The following NAV2 variants were observed in gnomAD, a reference collection of about 807,000 sequenced individuals.
NAV2 encodes the protein neuron navigator 2.
Under a neutral mutation model 223.2 loss-of-function variants are expected in NAV2, and 54 were observed. The observed-to-expected ratio is 0.24, with a 90% CI of 0.19 to 0.30. The LOEUF is 0.30. Among genes scored for constraint, NAV2 ranks in the 10% least tolerant of loss-of-function variants. NAV2 has a pLI of 1.00. For synonymous variants in NAV2, 1,279 were observed against 1,239.3 expected, an observed-to-expected ratio of 1.03 and a Z score of -0.67; for missense variants, 2,806 against 3,147.5, an observed-to-expected ratio of 0.89 and a Z score of 2.60.
At chr11:19,612,312 T>C (rs1383570513) in intron 1 of NAV2, among the ~76,000 whole-genome samples, 1 of 152,226 alleles carries the variant, frequency 6.6e-6, no homozygotes, top group South Asian at 2.1e-4. Flanking sequence ...ATTTTCCCCA[T>C]GGTCTTGGGG....
intron 1 of NAV2, among the ~76,000 whole-genome samples, chr11:19,448,299 C>T (rs1317231705): frequency 6.6e-6 from 1 of 152,298 alleles, no homozygotes; most frequent in East Asian, 1.9e-4. Context: ...GCACAGCAAC[C>T]CTCCCCGTGG....
At chr11:19,388,362 C>T (rs1849122441) in intron 1 of NAV2, among the ~76,000 whole-genome samples, 1 of 152,244 alleles carries the variant, frequency 6.6e-6, no homozygotes, top group African/African-American at 2.4e-5. Flanking sequence ...GCAGCTTTAT[C>T]TCAGATGTCT....
chr11:19,485,279 G>A (rs1374720776), intron 1 of NAV2, among the ~76,000 whole-genome samples: 2 of 152,156 alleles, frequency 1.3e-5, no homozygotes, highest in South Asian at 2.1e-4. Flanking sequence ...AAGATGTGGT[G>A]TTATCCAAGG....
intron 6 of NAV2, among the ~76,000 whole-genome samples, chr11:19,915,995 G>A (rs1202958521): frequency 2.0e-5 from 3 of 152,152 alleles, no homozygotes; most frequent in African/African-American, 7.2e-5. Flanking sequence ...GTCTCTTCAA[G>A]CCTCAGTTTC....
At chr11:20,076,384 T>A (rs1210693780) in intron 22 of NAV2, among the ~76,000 whole-genome samples, 2 of 152,194 alleles carry the variant, frequency 1.3e-5, no homozygotes, top group African/African-American at 4.8e-5. Flanking sequence ...AAGGTAGACA[T>A]GGTGTCAGTC....
chr11:19,482,512 T>G (rs1424122729), intron 1 of NAV2, among the ~76,000 whole-genome samples: 1 of 152,194 alleles, frequency 6.6e-6, no homozygotes, highest in Non-Finnish European at 1.5e-5. Context: ...TGAAGACATA[T>G]GTGAATTCAC....
intron 1 of NAV2, among the ~76,000 whole-genome samples, chr11:19,775,477 T>C (rs1590427878): frequency 6.6e-6 from 1 of 152,272 alleles, no homozygotes; most frequent in Middle Eastern, 3.4e-3. Context: ...AGCCTTTCAT[T>C]TGGGAAACAT....
intron 5 of NAV2, chr11:19,884,321 C>A: frequency 1.2e-6 from 2 of 1,614,076 alleles, no homozygotes; most frequent in South Asian, 2.2e-5. Flanking sequence ...CATCTCAAAG[C>A]AAAATCATCC....
intron 1 of NAV2, among the ~76,000 whole-genome samples, chr11:19,548,802 C>T (rs574079536): frequency 5.3e-5 from 8 of 149,606 alleles, no homozygotes; most frequent in East Asian, 2.0e-4. Flanking sequence ...GGCGTGAACC[C>T]GGAAGGCGGA....
intron 1 of NAV2, among the ~76,000 whole-genome samples, chr11:19,390,070 A>C (rs1010868465): frequency 3.9e-5 from 6 of 152,178 alleles, no homozygotes; most frequent in African/African-American, 1.4e-4. Flanking sequence ...GTGTAGGCTC[A>C]TAAATTTGTG....
intron 11 of NAV2, among the ~76,000 whole-genome samples, chr11:20,010,464 G>C (rs16937352): frequency 0.069 from 10,561 of 152,202 alleles, 409 homozygotes; most frequent in South Asian, 0.11. Context: ...GACATACTGT[G>C]CCATCCAGAT....
intron 1 of NAV2, among the ~76,000 whole-genome samples, chr11:19,352,441 G>C (rs1853380533): frequency 6.6e-6 from 1 of 152,166 alleles, no homozygotes; most frequent in Non-Finnish European, 1.5e-5. Flanking sequence ...GCTTCTTTTT[G>C]GCTAGGTGTA....
intron 1 of NAV2, among the ~76,000 whole-genome samples, chr11:19,732,937 T>C (rs2051939028): frequency 6.6e-6 from 1 of 152,246 alleles, no homozygotes; most frequent in Non-Finnish European, 1.5e-5. Flanking sequence ...TATTCCTTTG[T>C]GTTAATCAAT....
intron 1 of NAV2, among the ~76,000 whole-genome samples, chr11:19,372,956 C>A (rs755067049): frequency 1.5e-4 from 23 of 152,182 alleles, no homozygotes; most frequent in African/African-American, 4.6e-4. Context: ...GTTTTTAAAT[C>A]CTGCAGAACT....
rs565368486 is a variant in NAV2 at position 19,737,436 on chromosome 11, T to C, written c.267+23474T>C. Among the ~76,000 whole-genome samples, 8 of 152,202 alleles carry C rather than the reference T, an allele frequency of 5.3e-5. No homozygotes were observed. The East Asian group carries it at 1.5e-3, about 29-fold the overall frequency. ...GAGAATAGGCATTATAATTACATCA[T>C]GGCAGGGAGAAGGGATGGGGAAGAG... On this transcript the variant is annotated intron_variant, in intron 1 of 37. Transcript: ENST00000349880.
intron 1 of NAV2, among the ~76,000 whole-genome samples, chr11:19,471,896 C>A (rs1326573059): frequency 1.3e-5 from 2 of 152,178 alleles, no homozygotes; most frequent in Non-Finnish European, 2.9e-5. Flanking sequence ...ATCCTCCCTC[C>A]TACCTGGGCC....
chr11:19,526,472 C>T (rs1305675632), intron 1 of NAV2, among the ~76,000 whole-genome samples: 3 of 151,942 alleles, frequency 2.0e-5, no homozygotes, highest in Middle Eastern at 3.2e-3. Flanking sequence ...AGCCTTGTCT[C>T]GGGGGAATGA....
At chr11:19,724,962 G>T (rs1038576946) in intron 1 of NAV2, among the ~76,000 whole-genome samples, 1 of 152,204 alleles carries the variant, frequency 6.6e-6, no homozygotes. Context: ...GCTTGGACAG[G>T]TCTGCCCTGT....
At chr11:20,047,532 C>G (rs1324256944) in intron 14 of NAV2, among the ~76,000 whole-genome samples, 3 of 152,112 alleles carry the variant, frequency 2.0e-5, no homozygotes, top group Non-Finnish European at 4.4e-5. Flanking sequence ...TTTGGGTTTC[C>G]TAATAATTGG....
Sources: gnomAD v4.1 joint callset for allele counts (sites outside exome capture counted in the v4.1 genomes callset) on GRCh38, gnomAD v4.1.1 for gene constraint, MANE v1.5 for transcripts, NCBI Gene and HGNC (gene_info 2026-07-23, HGNC 2026-07-21) for gene names.